UBE3B: variants seen among roughly 807,000 people sequenced by gnomAD.
The protein encoded by UBE3B is ubiquitin protein ligase E3B, also known as ubiquitin-protein ligase E3B.
A neutral mutation model predicts 132.3 loss-of-function variants in UBE3B; 80 were observed. The observed-to-expected ratio is 0.60, with a 90% confidence interval of 0.50 to 0.73. UBE3B has a LOEUF of 0.73. Ranked by LOEUF, UBE3B falls within the 30% of genes least tolerant of loss-of-function variation. The pLI, the probability that UBE3B is intolerant of heterozygous loss-of-function variation, is 0.00. For synonymous variants in UBE3B, 487 were observed against 520.4 expected (o/e 0.94, Z 0.87); for missense variants, 1,196 against 1,362.5 (o/e 0.88, Z 1.92).
Position 109,534,226 on chromosome 12 carries a change from A to G in UBE3B, c.3016-365A>G, listed in dbSNP as rs1289455314. The stretch of plus-strand genomic sequence containing the variant: ...CAAGTCATGGTCTGCCACCGGCCAC[A>G]GCACCGGTGAGGAGGGAGGAGTGCA... On this transcript the variant is annotated intron_variant, in intron 27 of 27. Transcript: ENST00000342494. The surrounding 1 kb of genome is among the most constrained non-coding windows in gnomAD (Gnocchi z 5.2). The G allele has an allele frequency of 8.0e-7, 1 of 1,247,824 alleles. No individual in the cohort carries two copies. The highest frequency in any genetic ancestry group is 1.0e-6 in the Non-Finnish European group (1 of 979,964). The allele number at this position is 1,247,824 out of a possible 1,614,324, so 77.3% of individuals were successfully genotyped here.
At chr12:109,496,323 A>G (rs1878204235) in intron 9 of UBE3B, among the ~76,000 whole-genome samples, 1 of 152,208 alleles carries the variant, frequency 6.6e-6, no homozygotes, top group African/African-American at 2.4e-5. Flanking sequence ...TTTGGCTATT[A>G]TAAATAGTGC....
rs766938540 is a variant in UBE3B, at chr12:109,521,309, A to G, written c.2238A>G (p.Ala746=). The G allele has an allele frequency of 6.2e-7, 1 of 1,614,164 alleles. No homozygotes were observed. Among genetic ancestry groups the G allele is most frequent in the Admixed American group, 1.7e-5 (1 of 60,016 alleles). Residue 746 remains alanine (A), a synonymous_variant, in exon 20 of 28, where the codon GCA becomes GCG. Coordinates refer to ENST00000342494, the MANE Select transcript of UBE3B (RefSeq NM_130466.4). This position sits in a 1 kb window ranked among gnomAD's most constrained non-coding sequence, Gnocchi z 4.2. ...EEIIKRVFDP[A]LNLFKTTSGD... is the part of the protein sequence containing the mutation. ...TCATCAAGAGAGTTTTTGACCCAGC[A>G]CTCAATCTGTTCAAGGTATTTAAGG...
At chr12:109,484,572 A>G (rs1479789937) in intron 4 of UBE3B, among the ~76,000 whole-genome samples, 1 of 151,786 alleles carries the variant, frequency 6.6e-6, no homozygotes, top group Non-Finnish European at 1.5e-5. Context: ...TTGTATTTTT[A>G]GTAGAGATGG....
chr12:109,530,731 T>C (rs1243528094), intron 26 of UBE3B, 73 bp downstream of exon 26: 39 of 1,436,420 alleles, frequency 2.7e-5, no homozygotes, highest in Non-Finnish European at 3.7e-5. Flanking sequence ...TGTAATAATT[T>C]ACGCTGAAGA....
Position 109,522,126 on chromosome 12 carries a change from A to G in UBE3B, c.2364+575A>G, listed in dbSNP as rs1881785679. On this transcript the variant is annotated intron_variant, in intron 21 of 27. Transcript: ENST00000342494. The surrounding 1 kb of genome is among the most constrained non-coding windows in gnomAD (Gnocchi z 4.2). ...AGTTTTTAAGCCGTGTTCTCGCATCAGTAAAGTGGAGATAAGAAAAGCCAC... is the reference window on the plus strand; with the variant it reads ...AGTTTTTAAGCCGTGTTCTCGCATCGGTAAAGTGGAGATAAGAAAAGCCAC... Among the ~76,000 whole-genome samples, 1 of 152,196 alleles carries G rather than the reference A, an allele frequency of 6.6e-6. No homozygotes were observed. The highest frequency in any genetic ancestry group is 3.2e-3 in the Middle Eastern group (1 of 316).
the UBE3B span, among the ~76,000 whole-genome samples, chr12:109,544,817 C>T: frequency 1.3e-5 from 2 of 152,232 alleles, no homozygotes; most frequent in Non-Finnish European, 2.9e-5. Context: ...CTCCATAACG[C>T]TGGTCGGCTG....
At chr12:109,517,815 C>T (rs747778462) in intron 19 of UBE3B, 2 of 324,002 alleles carry the variant, frequency 6.2e-6, no homozygotes, top group Non-Finnish European at 1.3e-5. Flanking sequence ...CAGATAGCCA[C>T]CCCCACCAGC....
intron 19 of UBE3B, chr12:109,517,866 C>T: frequency 2.5e-6 from 1 of 401,222 alleles, no homozygotes; most frequent in South Asian, 1.8e-5. Context: ...CACGTGTCTT[C>T]ATTTTCTCCC....
chr12:109,517,354 G>C (rs1881189465), intron 19 of UBE3B, among the ~76,000 whole-genome samples: 1 of 152,188 alleles, frequency 6.6e-6, no homozygotes, highest in Non-Finnish European at 1.5e-5. Flanking sequence ...GTTCTTTGTA[G>C]ACAGAAACTT....
chr12:109,528,538 G>T, intron 24 of UBE3B: 1 of 976,604 alleles, frequency 1.0e-6, no homozygotes, highest in African/African-American at 1.7e-5. Flanking sequence ...CGTGGGCCGG[G>T]CTCAAGTTCT....
In UBE3B at chr12:109,486,577, TA is replaced by T; in HGVS notation, c.447+4del. 1.5e-6 allele frequency: 1 copy of T among 657,002 alleles called. No homozygotes were observed. Among genetic ancestry groups the T allele is most frequent in the Non-Finnish European group, 2.0e-6 (1 of 509,216 alleles). 40.7% of individuals were successfully genotyped at this position (657,002 alleles called of 1,614,324 possible). ...TGTGATTTTCTCAAGCAGCTCAAGG[TA>T]ACAAAAAAAAAAAAAAAAAAAAAAA... On this transcript the variant is annotated splice_donor_region_variant and intron_variant, in intron 6 of 27. Coordinates refer to ENST00000342494, the MANE Select transcript of UBE3B (RefSeq NM_130466.4).
chr12:109,503,346 A>G (rs1056973018), intron 14 of UBE3B, among the ~76,000 whole-genome samples, 156 bp downstream of exon 14: 1 of 152,198 alleles, frequency 6.6e-6, no homozygotes, highest in African/African-American at 2.4e-5. Context: ...AGTCCACCTC[A>G]GTTACATTGC....
In UBE3B at chr12:109,499,707, A is replaced by C; in HGVS notation, c.1015A>C (p.Thr339Pro). ...EETDGFVSLL[T>P]QTLCYCRKYV... ...GACAGATGGGTTCGTGAGTTTGCTC[A>C]CCCAGACGCTGTGCTACTGTCGGAA... The change falls in exon 12 of 28, where the codon ACC (threonine) becomes CCC (proline). Residue 339 changes from threonine to proline, a missense_variant. Physicochemically the swap from Thr to Pro is conservative, Grantham distance 38. Coordinates refer to ENST00000342494, the MANE Select transcript of UBE3B (RefSeq NM_130466.4). 9.3e-6 allele frequency: 15 copies of C among 1,613,502 alleles called. No homozygotes were observed. The highest frequency in any genetic ancestry group is 1.3e-5 in the Non-Finnish European group (15 of 1,179,674).
chr12:109,532,125 C>G (rs1793485675), intron 26 of UBE3B, among the ~76,000 whole-genome samples: 1 of 152,236 alleles, frequency 6.6e-6, no homozygotes, highest in Non-Finnish European at 1.5e-5. Context: ...TTCCCTCCCT[C>G]CTTTCACCCA....
At chr12:109,485,986 A>G (rs1876359419) in intron 4 of UBE3B, 26 bp from the exon 5 acceptor site, 3 of 1,551,714 alleles carry the variant, frequency 1.9e-6, no homozygotes, top group Non-Finnish European at 8.7e-7. Flanking sequence ...GTGGGAATGT[A>G]TAACCCCCAG....
chr12:109,497,749 G>A lies in UBE3B; in HGVS notation c.714-69G>A, dbSNP rs1201353134. On this transcript the variant is annotated intron_variant, in intron 9 of 27. Transcript: ENST00000342494. ...AATTTCTAGGAATTTGAGCACGTTG[G>A]TGGGGTTGTGCTTTTGTTCTGGATG... The A allele has an allele frequency of 3.4e-6, 5 of 1,471,840 alleles. No homozygotes were observed. In the South Asian group the frequency reaches 5.7e-5, roughly 17 times the overall value. 91.2% of individuals were successfully genotyped at this position (1,471,840 alleles called of 1,614,324 possible). A position where few individuals can be genotyped will look rare whatever the true frequency, so the allele number is the denominator to read the frequency against.
chr12:109,541,750 G>A, the UBE3B span, among the ~76,000 whole-genome samples: 1 of 152,208 alleles, frequency 6.6e-6, no homozygotes, highest in Non-Finnish European at 1.5e-5. Flanking sequence ...CCCTCTGGAG[G>A]CTCTGGGGAG....
chr12:109,481,350 C>G (rs997837505), intron 1 of UBE3B, among the ~76,000 whole-genome samples: 1 of 151,386 alleles, frequency 6.6e-6, no homozygotes, highest in African/African-American at 2.4e-5. Context: ...ATATAATTTT[C>G]AGTAGCTCTT....
chr12:109,494,025 T>G (rs1266102041), intron 9 of UBE3B, among the ~76,000 whole-genome samples: 1 of 152,100 alleles, frequency 6.6e-6, no homozygotes, highest in Non-Finnish European at 1.5e-5. Context: ...AGGGTCTCAC[T>G]ATATTGCCCA....
Sources: gnomAD v4.1 joint callset for allele counts (sites outside exome capture counted in the v4.1 genomes callset) on GRCh38, gnomAD v4.1.1 for gene constraint, Gnocchi (gnomAD v3.1) non-coding constraint, MANE v1.5 for transcripts, NCBI Gene and HGNC (gene_info 2026-07-23, HGNC 2026-07-21) for gene names.